The following NT5C2 variants were observed in gnomAD, a reference collection of about 807,000 sequenced individuals.
NT5C2 encodes 5'-nucleotidase, cytosolic II.
A neutral mutation model predicts 76.1 loss-of-function variants in NT5C2; 58 were observed. That is an observed-to-expected ratio of 0.76 (90% CI 0.62 to 0.95). NT5C2 has a LOEUF of 0.95. NT5C2 is among the 40% of genes least tolerant of loss of function. The pLI is 0.00. For missense variants in NT5C2, 478 were observed against 690.3 expected (o/e 0.69, Z 3.45); for synonymous variants, 229 against 237.4 (o/e 0.96, Z 0.32).
intron 1 of NT5C2, among the ~76,000 whole-genome samples, chr10:103,184,411 A>G (rs2091741614): frequency 6.6e-6 from 1 of 152,234 alleles, no homozygotes; most frequent in South Asian, 2.1e-4. Context: ...ATAACATCAC[A>G]CTTACCCACA....
chr10:103,129,284 G>A (rs1350846450), intron 4 of NT5C2, among the ~76,000 whole-genome samples: 4 of 103,200 alleles, frequency 3.9e-5, no homozygotes, highest in African/African-American at 7.4e-5. Context: ...CAGCCGCCCC[G>A]TCCGGGAGGG....
At chr10:103,105,608 AAAGT>A in intron 6 of NT5C2, 94 bp downstream of exon 6, 1 of 840,726 alleles carries the variant, frequency 1.2e-6, no homozygotes, top group Non-Finnish European at 1.9e-6. Flanking sequence ...TTAATGATGA[AAAGT>A]AATAGGGAAA....
chr10:103,183,291 A>ATATTATATATATATATATC lies in NT5C2; in HGVS notation c.-168-1964_-168-1963insGATATATATATATATAATA, dbSNP rs1554841794. Among the ~76,000 whole-genome samples, 9 of 128,130 alleles carry ATATTATATATATATATATC rather than the reference A, an allele frequency of 7.0e-5. No individual in the cohort carries two copies. In the East Asian group the frequency reaches 7.2e-4, roughly 10 times the overall value. The allele number at this position is 128,130 out of a possible 152,430, so 84.1% of individuals were successfully genotyped here. Reference sequence around the variant, plus strand: ...TATATATATATATATATATATATATATATCACACACTCCTTCCCTCCCCTC... The same window carrying ATATTATATATATATATATC: ...TATATATATATATATATATATATATATATTATATATATATATATCTATCACACACTCCTTCCCTCCCCTC... On this transcript the variant is annotated intron_variant, in intron 1 of 18. Transcript: ENST00000404739.
rs148723735 is a variant in NT5C2 at position 103,092,453 on chromosome 10, G to A, written c.1159+686C>T. Among the ~76,000 whole-genome samples the A allele has an allele frequency of 1.4e-3, 213 of 152,276 alleles. 1 individual carries two copies. The highest frequency in any genetic ancestry group is 5.0e-3 in the African/African-American group (206 of 41,544). On this transcript the variant is annotated intron_variant, in intron 15 of 18. Transcript: ENST00000404739. ...TACATTTGAGGAAACTAAGGCACAG[G>A]GTATCTCATTAACTTGCCTAACGGC...
At chr10:103,163,191 G>A (rs996451542) in intron 3 of NT5C2, among the ~76,000 whole-genome samples, 2 of 152,194 alleles carry the variant, frequency 1.3e-5, no homozygotes, top group South Asian at 2.1e-4. Context: ...TGTACCTGCT[G>A]AAGAACATTT....
At chr10:103,125,061 T>A (rs2135817248) in intron 4 of NT5C2, 1 of 282,656 alleles carries the variant, frequency 3.5e-6, no homozygotes, top group South Asian at 6.2e-5. Flanking sequence ...CATTTTCGTC[T>A]TGCTTCTTCA....
At chr10:103,101,895 T>C (rs1276889914) in intron 6 of NT5C2, among the ~76,000 whole-genome samples, 3 of 152,014 alleles carry the variant, frequency 2.0e-5, no homozygotes, top group African/African-American at 7.3e-5. Context: ...GGTGGACCAG[T>C]TGTGAAACTA....
intron 6 of NT5C2, among the ~76,000 whole-genome samples, chr10:103,105,164 CTTAT>C (rs1312520496): frequency 6.6e-6 from 1 of 151,936 alleles, no homozygotes; most frequent in Non-Finnish European, 1.5e-5. Context: ...AAAGCTTATT[CTTAT>C]TTGTTTAAAA....
chr10:103,100,077 T>G (rs937343332), intron 8 of NT5C2, 58 bp from the exon 9 acceptor site: 27 of 1,176,124 alleles, frequency 2.3e-5, no homozygotes, highest in Non-Finnish European at 3.4e-5. Flanking sequence ...ACAAAATATA[T>G]ATCAAAAATT....
chr10:103,124,756 C>T (rs997842014), intron 4 of NT5C2, among the ~76,000 whole-genome samples: 4 of 151,866 alleles, frequency 2.6e-5, no homozygotes, highest in Admixed American at 6.6e-5. Context: ...CAACCCAGGT[C>T]TACCACACCA....
chr10:103,153,652 A>T (rs2082793041), intron 3 of NT5C2: 1 of 985,356 alleles, frequency 1.0e-6, no homozygotes, highest in Non-Finnish European at 1.2e-6. Flanking sequence ...GAAAAAGCAA[A>T]TTTACCCCCT....
intron 1 of NT5C2, among the ~76,000 whole-genome samples, chr10:103,186,110 G>T (rs1372584181): frequency 6.6e-6 from 1 of 152,208 alleles, no homozygotes; most frequent in Non-Finnish European, 1.5e-5. Flanking sequence ...TGAAGTCACA[G>T]AATTATACTG....
At chr10:103,134,499 A>G (rs1314127819) in intron 4 of NT5C2, among the ~76,000 whole-genome samples, 1 of 152,218 alleles carries the variant, frequency 6.6e-6, no homozygotes, top group Non-Finnish European at 1.5e-5. Context: ...AGGAACCTCC[A>G]CCTATATTTC....
chr10:103,133,052 G>C (rs1286575714), intron 4 of NT5C2, among the ~76,000 whole-genome samples: 1 of 152,124 alleles, frequency 6.6e-6, no homozygotes, highest in South Asian at 2.1e-4. Flanking sequence ...GTTGTGGGAG[G>C]GACCCAGTGG....
chr10:103,188,956 G>A (rs1318722751), intron 1 of NT5C2, among the ~76,000 whole-genome samples: 7 of 151,796 alleles, frequency 4.6e-5, no homozygotes, highest in Non-Finnish European at 1.0e-4. Flanking sequence ...AGGTTGCAGT[G>A]AGCTGAGATC....
chr10:103,178,133 A>T (rs1477400538), intron 2 of NT5C2, among the ~76,000 whole-genome samples: 1 of 152,266 alleles, frequency 6.6e-6, no homozygotes, highest in African/African-American at 2.4e-5. Flanking sequence ...ACTGAATAAT[A>T]ATCCACTGTG....
chr10:103,107,791 T>C (rs1209768036), intron 4 of NT5C2, among the ~76,000 whole-genome samples: 4 of 152,114 alleles, frequency 2.6e-5, no homozygotes, highest in Admixed American at 2.0e-4. Flanking sequence ...GTTCTCTCTC[T>C]ATTGTGTAAG....
At chr10:103,105,675 T>C in intron 6 of NT5C2, 31 bp downstream of exon 6, 1 of 1,378,520 alleles carries the variant, frequency 7.3e-7, no homozygotes, top group Non-Finnish European at 1.0e-6. Context: ...ACTTTAACAT[T>C]AGAAAGAGGC....
At chr10:103,107,209 A>G (rs1590874009) in intron 4 of NT5C2, among the ~76,000 whole-genome samples, 1 of 152,324 alleles carries the variant, frequency 6.6e-6, no homozygotes, top group East Asian at 1.9e-4. Flanking sequence ...TAATTGCTTT[A>G]TATGCCTTCT....
Sources: allele counts gnomAD v4.1 joint callset (sites outside exome capture counted in the v4.1 genomes callset), GRCh38; gene constraint gnomAD v4.1.1; transcripts MANE v1.5; gene names NCBI Gene and HGNC (gene_info 2026-07-23, HGNC 2026-07-21).